The following NAV3 variants were observed in gnomAD, a reference collection of about 807,000 sequenced individuals.
NAV3 encodes the protein neuron navigator 3.
In NAV3, 87 loss-of-function variants were observed where a neutral mutation model predicts 244.7. The observed-to-expected ratio is 0.36, with a 90% CI of 0.30 to 0.42. The LOEUF (loss-of-function observed/expected upper bound fraction) is 0.42. Among genes scored for constraint, NAV3 ranks in the 20% least tolerant of loss-of-function variants. The pLI, the probability that NAV3 is intolerant of heterozygous loss-of-function variation, is 1.00. For synonymous variants in NAV3, 1,126 were observed against 1,042.2 expected (o/e 1.08, Z -1.55); for missense variants, 2,663 against 2,893.3 (o/e 0.92, Z 1.83).
chr12:78,095,254 T>C (rs1954190526), intron 12 of NAV3, among the ~76,000 whole-genome samples: 1 of 152,080 alleles, frequency 6.6e-6, no homozygotes, highest in Non-Finnish European at 1.5e-5. Context: ...TTACAATTTA[T>C]GTAGGCACCA....
chr12:77,893,325 T>G (rs1423446979), intron 1 of NAV3, among the ~76,000 whole-genome samples: 1 of 152,166 alleles, frequency 6.6e-6, no homozygotes, highest in East Asian at 1.9e-4. Context: ...AGTTTACTGG[T>G]AAGTCAGTAA....
chr12:77,693,453 G>C (rs2137168949), intron 2 of NAV3, among the ~76,000 whole-genome samples: 1 of 151,930 alleles, frequency 6.6e-6, no homozygotes, highest in South Asian at 2.1e-4. Flanking sequence ...TCTAGTATCA[G>C]TTGAATGACT....
At chr12:77,891,628 A>G (rs572653956) in intron 1 of NAV3, among the ~76,000 whole-genome samples, 7 of 152,324 alleles carry the variant, frequency 4.6e-5, no homozygotes, top group Non-Finnish European at 1.0e-4. Context: ...ACTTTAAAAA[A>G]TGTACTCGGT....
At chr12:78,176,363 C>T (rs1958227439) in intron 25 of NAV3, 76 bp from the exon 26 acceptor site, 6 of 1,376,900 alleles carry the variant, frequency 4.4e-6, no homozygotes, top group Admixed American at 2.0e-5. Context: ...AATGTTTATA[C>T]AGGTAATATT....
At chr12:77,583,600 T>A (rs1350074518) in intron 2 of NAV3, among the ~76,000 whole-genome samples, 6 of 152,174 alleles carry the variant, frequency 3.9e-5, no homozygotes, top group African/African-American at 1.4e-4. Context: ...ACCCAGACAT[T>A]TCCGAAGCAC....
At chr12:77,756,756 C>G (rs1357350693) in intron 2 of NAV3, among the ~76,000 whole-genome samples, 2 of 152,020 alleles carry the variant, frequency 1.3e-5, no homozygotes, top group East Asian at 3.8e-4. Context: ...CTTTGTAATT[C>G]TGAGATATGC....
intron 1 of NAV3, among the ~76,000 whole-genome samples, chr12:77,928,025 A>T (rs1343507295): frequency 6.6e-6 from 1 of 152,088 alleles, no homozygotes; most frequent in East Asian, 1.9e-4. Context: ...GTTCGAGACC[A>T]GTCTGGCCAA....
chr12:77,792,245 C>T (rs1452683078), intron 2 of NAV3, among the ~76,000 whole-genome samples: 1 of 152,158 alleles, frequency 6.6e-6, no homozygotes, highest in African/African-American at 2.4e-5. Context: ...GTTCAGTTCA[C>T]AAACTCAGGT....
chr12:78,083,336 A>G (rs1164410068), intron 12 of NAV3, among the ~76,000 whole-genome samples: 1 of 152,156 alleles, frequency 6.6e-6, no homozygotes, highest in Non-Finnish European at 1.5e-5. Context: ...ACTTGTCAAT[A>G]CAGCTGCATT....
At chr12:77,833,968 C>T (rs113745944) in intron 1 of NAV3, among the ~76,000 whole-genome samples, 12 of 150,982 alleles carry the variant, frequency 7.9e-5, no homozygotes, top group African/African-American at 2.5e-4. Flanking sequence ...TTCCTTTCGA[C>T]GTCCAGCCGC....
chr12:77,775,673 C>T (rs1388535192), intron 2 of NAV3: 4 of 152,152 alleles, frequency 2.6e-5, no homozygotes, highest in African/African-American at 7.2e-5. Flanking sequence ...AGAAAAACAA[C>T]TTCCAAAACC....
intron 21 of NAV3, 46 bp from the exon 22 acceptor site, chr12:78,148,796 T>TA: frequency 1.3e-6 from 2 of 1,545,974 alleles, no homozygotes; most frequent in Non-Finnish European, 1.8e-6. Flanking sequence ...GGGTTTTAAG[T>TA]AAAAATCTAC....
At chr12:78,150,285 T>C (rs2139250917) in intron 22 of NAV3, among the ~76,000 whole-genome samples, 1 of 152,142 alleles carries the variant, frequency 6.6e-6, no homozygotes, top group African/African-American at 2.4e-5. Flanking sequence ...ATTTATTAGA[T>C]TGTCAGGATA....
rs1565878787 is a variant in NAV3 at position 77,873,756 on chromosome 12, ATATATATATATG to A, written c.243+42059_243+42070del. ...CATATGTGTGTGTGTATATATATATATATATATATATGTATATAACAGCATATGCATTATGTG... is the reference window on the plus strand; with the variant it reads ...CATATGTGTGTGTGTATATATATATATATATAACAGCATATGCATTATGTG... On this transcript the variant is annotated intron_variant, in intron 1 of 39. Transcript: ENST00000397909. Among the ~76,000 whole-genome samples the A allele has an allele frequency of 1.0e-3, 116 of 114,356 alleles. 1 individual carries two copies. Among genetic ancestry groups the A allele is most frequent in the Admixed American group, 1.6e-3 (18 of 11,132 alleles). The allele number at this position is 114,356 out of a possible 152,430, so 75.0% of individuals were successfully genotyped here. A position where few individuals can be genotyped will look rare whatever the true frequency, so the allele number is the denominator to read the frequency against.
At chr12:77,826,788 C>G (rs1375466916), upstream of NAV3, among the ~76,000 whole-genome samples, 1 of 152,150 alleles carries the variant, frequency 6.6e-6, no homozygotes, top group East Asian at 1.9e-4. Context: ...GAGACATTAT[C>G]TACGGTAGGC....
intron 1 of NAV3, among the ~76,000 whole-genome samples, chr12:77,846,244 T>A (rs1876611955): frequency 6.6e-6 from 1 of 152,216 alleles, no homozygotes; most frequent in Non-Finnish European, 1.5e-5. Context: ...TGTTTATTGC[T>A]TTAGGTATGA....
At chr12:77,636,220 C>T (rs1189341535) in intron 2 of NAV3, among the ~76,000 whole-genome samples, 5 of 152,120 alleles carry the variant, frequency 3.3e-5, no homozygotes, top group Non-Finnish European at 7.4e-5. Context: ...AATCACAGCA[C>T]TTTGGCAGGC....
chr12:77,792,620 C>A (rs1303588887), intron 2 of NAV3, among the ~76,000 whole-genome samples: 1 of 152,174 alleles, frequency 6.6e-6, no homozygotes, highest in Non-Finnish European at 1.5e-5. Flanking sequence ...CTTCGATGGG[C>A]AATTTTGGTT....
chr12:77,870,864 T>C (rs1233821295), intron 1 of NAV3, among the ~76,000 whole-genome samples: 1 of 152,200 alleles, frequency 6.6e-6, no homozygotes, highest in Non-Finnish European at 1.5e-5. Flanking sequence ...AGAAGCAAAG[T>C]GAAAGCCTAA....
Sources: gnomAD v4.1 joint callset for allele counts (sites outside exome capture counted in the v4.1 genomes callset) on GRCh38, gnomAD v4.1.1 for gene constraint, MANE v1.5 for transcripts, NCBI Gene and HGNC (gene_info 2026-07-23, HGNC 2026-07-21) for gene names.